The following GPHN variants were observed in gnomAD, a reference collection of about 807,000 sequenced individuals.
The protein encoded by GPHN is gephyrin.
In GPHN, 17 loss-of-function variants were observed where a neutral mutation model predicts 95.5. The ratio of observed to expected loss-of-function variants is 0.18; its 90% CI spans 0.12 to 0.27. The LOEUF (loss-of-function observed/expected upper bound fraction) is 0.27, where lower values mean the gene tolerates loss of function less well. GPHN is among the 10% of genes least tolerant of loss of function. GPHN has a pLI of 1.00. For synonymous variants in GPHN, 320 were observed against 322.5 expected, an observed-to-expected ratio of 0.99 and a Z score of 0.08; for missense variants, 660 against 978.1, an observed-to-expected ratio of 0.67 and a Z score of 4.34.
chr14:66,736,843 C>A (rs1190800477), intron 2 of GPHN, among the ~76,000 whole-genome samples: 1 of 152,152 alleles, frequency 6.6e-6, no homozygotes, highest in African/African-American at 2.4e-5. Context: ...TTATCTCAAC[C>A]ATTCTCCACA....
the GPHN span, among the ~76,000 whole-genome samples, chr14:67,366,490 T>C: frequency 5.3e-5 from 8 of 152,236 alleles, no homozygotes; most frequent in Non-Finnish European, 1.2e-4. Context: ...TGTAAAGATA[T>C]TTCCATAGCA....
intron 1 of GPHN, among the ~76,000 whole-genome samples, chr14:66,657,588 T>C (rs891444033): frequency 6.6e-6 from 1 of 152,194 alleles, no homozygotes; most frequent in East Asian, 1.9e-4. Flanking sequence ...ATTGAAGCCA[T>C]TGCTCATTTA....
At chr14:66,692,133 A>T (rs554579742) in intron 2 of GPHN, among the ~76,000 whole-genome samples, 185 of 152,256 alleles carry the variant, frequency 1.2e-3, no homozygotes, top group African/African-American at 4.1e-3. Flanking sequence ...ACTAATATAT[A>T]TAGTTAACTC....
intron 1 of GPHN, among the ~76,000 whole-genome samples, chr14:66,676,698 TTGGATTCAGATTCCTAGTA>T: frequency 6.8e-6 from 1 of 147,876 alleles, no homozygotes; most frequent in Non-Finnish European, 1.5e-5. Context: ...TGATGTGCCT[TTGGATTCAGATTCCTAGTA>T]TTTTGTTCAG....
At chr14:67,649,497 G>A in the GPHN span, 24 of 152,156 alleles carry the variant, frequency 1.6e-4, no homozygotes. Flanking sequence ...GCAATAGTCT[G>A]GAAACATAAG....
chr14:67,586,523 T>G, the GPHN span: 5 of 758,684 alleles, frequency 6.6e-6, no homozygotes, highest in Non-Finnish European at 9.9e-6. Flanking sequence ...AGTCCCACAG[T>G]GCTCCCTCTT....
At chr14:66,907,741 A>G (rs1481372767) in intron 5 of GPHN, among the ~76,000 whole-genome samples, 4 of 152,138 alleles carry the variant, frequency 2.6e-5, no homozygotes, top group Non-Finnish European at 5.9e-5. Flanking sequence ...AACTGCACAT[A>G]AGCGCTTTAG....
At chr14:67,652,863 G>A in the GPHN span, among the ~76,000 whole-genome samples, 6 of 151,780 alleles carry the variant, frequency 4.0e-5, no homozygotes, top group South Asian at 2.1e-4. Context: ...GTGCCATCTC[G>A]GCTCACTGCA....
chr14:66,958,497 A>C (rs1301517123), intron 8 of GPHN, among the ~76,000 whole-genome samples: 1 of 152,198 alleles, frequency 6.6e-6, no homozygotes, highest in East Asian at 1.9e-4. Flanking sequence ...GAGTGAGTAT[A>C]ATTACACAAA....
chr14:66,709,079 T>G (rs10145098), intron 2 of GPHN, among the ~76,000 whole-genome samples: 1 of 151,912 alleles, frequency 6.6e-6, no homozygotes, highest in African/African-American at 2.4e-5. Flanking sequence ...TCAGGAGATA[T>G]TCAGGTTAAA....
intron 1 of GPHN, among the ~76,000 whole-genome samples, chr14:66,589,270 T>C (rs1421450253): frequency 2.6e-5 from 4 of 152,148 alleles, no homozygotes; most frequent in African/African-American, 9.7e-5. Context: ...TACCAGCCAC[T>C]GCAAAAACAT....
the GPHN span, among the ~76,000 whole-genome samples, chr14:67,220,021 C>T: frequency 6.6e-6 from 1 of 152,130 alleles, no homozygotes; most frequent in Non-Finnish European, 1.5e-5. Flanking sequence ...TGCTGTATTG[C>T]AGAGACATTA....
chr14:67,465,548 C>G, the GPHN span, among the ~76,000 whole-genome samples: 30 of 152,338 alleles, frequency 2.0e-4, no homozygotes, highest in African/African-American at 7.0e-4. Context: ...ACAGGTATAT[C>G]TTGGGATGCC....
chr14:66,717,701 C>CT (rs1445355924), intron 2 of GPHN, among the ~76,000 whole-genome samples: 1 of 152,154 alleles, frequency 6.6e-6, no homozygotes, highest in East Asian at 1.9e-4. Context: ...AGGGGTTTCC[C>CT]TTGATATAGT....
At chr14:67,287,230 C>CA in the GPHN span, among the ~76,000 whole-genome samples, 16 of 147,400 alleles carry the variant, frequency 1.1e-4, no homozygotes, top group Middle Eastern at 3.5e-3. Flanking sequence ...AAAACAAAAA[C>CA]AAAAAAAAAG....
chr14:67,126,175 G>A (rs1443114676), intron 17 of GPHN, among the ~76,000 whole-genome samples: 1 of 151,918 alleles, frequency 6.6e-6, no homozygotes, highest in East Asian at 1.9e-4. Flanking sequence ...ACACTGTTTG[G>A]AACACAGTAC....
At chr14:66,542,861 A>T (rs1356569112) in intron 1 of GPHN, among the ~76,000 whole-genome samples, 1 of 152,222 alleles carries the variant, frequency 6.6e-6, no homozygotes, top group East Asian at 1.9e-4. Context: ...CCATTCTCGC[A>T]TTGCTATAAA....
At chr14:67,493,781 G>A in the GPHN span, among the ~76,000 whole-genome samples, 1 of 152,116 alleles carries the variant, frequency 6.6e-6, no homozygotes, top group South Asian at 2.1e-4. Flanking sequence ...CCACAAAAGA[G>A]GCATCCTTTT....
chr14:67,080,601 GTCT>G (rs772370148), intron 11 of GPHN, among the ~76,000 whole-genome samples: 18 of 151,776 alleles, frequency 1.2e-4, no homozygotes, highest in African/African-American at 1.9e-4. Context: ...TTTTTTCACT[GTCT>G]TCTTCTTATT....
Sources: gnomAD v4.1 joint callset for allele counts (sites outside exome capture counted in the v4.1 genomes callset) on GRCh38, gnomAD v4.1.1 for gene constraint, MANE v1.5 for transcripts, NCBI Gene and HGNC (gene_info 2026-07-23, HGNC 2026-07-21) for gene names.